The following CNGA1 variants were observed in gnomAD, a reference collection of about 807,000 sequenced individuals.
CNGA1 encodes the protein cyclic nucleotide-gated channel alpha-1.
In CNGA1, 53 loss-of-function variants were observed where a neutral mutation model predicts 69.7. The observed-to-expected ratio is 0.76, with a 90% CI of 0.61 to 0.96. CNGA1 has a LOEUF of 0.96. Ranked by LOEUF, CNGA1 falls within the 40% of genes least tolerant of loss-of-function variation. The pLI is 0.00. For missense variants in CNGA1, 739 were observed against 811.2 expected, an observed-to-expected ratio of 0.91 and a Z score of 1.08; for synonymous variants, 249 against 283.5, an observed-to-expected ratio of 0.88 and a Z score of 1.22.
rs1040020851 is a variant in CNGA1, at chr4:47,937,501, T to C, written c.981A>G (p.Thr327=). Residue 327 remains threonine, a synonymous_variant, in exon 11 of 11, where the codon ACA becomes ACG. Coordinates refer to ENST00000514170, the MANE Select transcript of CNGA1 (RefSeq NM_001379270.1). ...ISKAIGFGND[T]WVYPDINDPE... ...GATCATTAATATCAGGGTAGACCCA[T>C]GTATCATTTCCAAATCCAATAGCTT... 8 of 1,614,090 alleles carry C rather than the reference T, an allele frequency of 5.0e-6. No individual in the cohort carries two copies. In the Admixed American group the frequency reaches 8.3e-5, roughly 17 times the overall value.
intron 3 of CNGA1, among the ~76,000 whole-genome samples, chr4:47,958,239 G>A (rs1410553812): frequency 1.3e-5 from 2 of 152,002 alleles, no homozygotes; most frequent in Non-Finnish European, 2.9e-5. Flanking sequence ...TGCTCATGCT[G>A]TTCATTTTGC....
At chr4:47,985,680 CTGATT>C (rs888441625) in intron 2 of CNGA1, among the ~76,000 whole-genome samples, 2 of 152,142 alleles carry the variant, frequency 1.3e-5, no homozygotes, top group African/African-American at 2.4e-5. Context: ...TTCCAAATAA[CTGATT>C]TGATTTATCT....
At chr4:47,990,311 G>C (rs939063062) in intron 2 of CNGA1, among the ~76,000 whole-genome samples, 1 of 152,048 alleles carries the variant, frequency 6.6e-6, no homozygotes. Flanking sequence ...GGGAAGGAAT[G>C]CATTCTTGGG....
At chr4:47,998,470 C>T (rs2109343226) in intron 2 of CNGA1, among the ~76,000 whole-genome samples, 1 of 152,248 alleles carries the variant, frequency 6.6e-6, no homozygotes, top group South Asian at 2.1e-4. Flanking sequence ...GTGAAGACCT[C>T]AGGCATTAAT....
At chr4:47,972,337 A>T (rs1396970478) in intron 3 of CNGA1, among the ~76,000 whole-genome samples, 1 of 152,162 alleles carries the variant, frequency 6.6e-6, no homozygotes, top group African/African-American at 2.4e-5. Flanking sequence ...AAAAGTCCCT[A>T]GTCTTAGGAG....
At chr4:47,959,374 ACCTT>A (rs1316572057) in intron 3 of CNGA1, among the ~76,000 whole-genome samples, 1 of 152,146 alleles carries the variant, frequency 6.6e-6, no homozygotes, top group African/African-American at 2.4e-5. Flanking sequence ...AAACTTGAAA[ACCTT>A]GTGGCCTGAG....
intron 9 of CNGA1, 94 bp from the exon 10 acceptor site, chr4:47,940,963 A>G: frequency 1.3e-6 from 1 of 799,358 alleles, no homozygotes. Flanking sequence ...CATGATGAGA[A>G]GCACAGCACA....
At chr4:48,011,059 AGGCAGCAGAT>A (rs1486886007) in intron 1 of CNGA1, among the ~76,000 whole-genome samples, 166 bp from the exon 2 acceptor site, 1 of 152,186 alleles carries the variant, frequency 6.6e-6, no homozygotes, top group Non-Finnish European at 1.5e-5. Context: ...CTGTGCTCTC[AGGCAGCAGAT>A]GGCTATTTCT....
At chr4:47,985,645 T>A (rs1741944650) in intron 2 of CNGA1, among the ~76,000 whole-genome samples, 1 of 152,150 alleles carries the variant, frequency 6.6e-6, no homozygotes, top group Non-Finnish European at 1.5e-5. Flanking sequence ...GAATCTCACA[T>A]ACACACACAC....
At chr4:47,948,689 A>G (rs962644400) in intron 6 of CNGA1, among the ~76,000 whole-genome samples, 5 of 152,222 alleles carry the variant, frequency 3.3e-5, no homozygotes, top group African/African-American at 1.2e-4. Context: ...AGTGCTGTAT[A>G]CAATGCAGGG....
rs568526868 is a variant in CNGA1 at position 48,007,661 on chromosome 4, C to A, written c.-123+3133G>T. 7.8e-5 allele frequency among the ~76,000 whole-genome samples: 5 copies of A among 64,018 alleles called. No homozygotes were observed. In the East Asian group the frequency reaches 9.2e-4, roughly 12 times the overall value. 42.0% of individuals were successfully genotyped at this position (64,018 alleles called of 152,430 possible). A position where few individuals can be genotyped will look rare whatever the true frequency, so the allele number is the denominator to read the frequency against. On this transcript the variant is annotated intron_variant, in intron 2 of 10. Coordinates refer to ENST00000514170, the MANE Select transcript of CNGA1 (RefSeq NM_001379270.1). ...ACAGAAAGATACATGGATGTAATAA[C>A]CTTAACTTAAAAAAAAAAATTTAAT...
chr4:47,937,507 A>G lies in CNGA1; in HGVS notation c.975T>C (p.Asn325=). ...YSISKAIGFG[N]DTWVYPDIND... ...TAATATCAGGGTAGACCCATGTATC[A>G]TTTCCAAATCCAATAGCTTTAGAAA... Residue 325 remains asparagine (N), a synonymous_variant, in exon 11 of 11, where the codon AAT becomes AAC. Transcript: ENST00000514170. 6.2e-7 allele frequency: 1 copy of G among 1,614,208 alleles called. No homozygotes were observed. The highest frequency in any genetic ancestry group is 2.2e-5 in the East Asian group (1 of 44,880).
chr4:47,987,431 C>T (rs1033407580), intron 2 of CNGA1, among the ~76,000 whole-genome samples: 1 of 151,952 alleles, frequency 6.6e-6, no homozygotes, highest in Admixed American at 6.6e-5. Context: ...TATCTATTTC[C>T]CCTGTAGGAA....
At chr4:47,943,074 G>T in intron 8 of CNGA1, 107 bp downstream of exon 8, 1 of 763,650 alleles carries the variant, frequency 1.3e-6, no homozygotes, top group Non-Finnish European at 2.3e-6. Flanking sequence ...CTTTACACAG[G>T]GCTCTTTACT....
At chr4:48,007,793 C>A (rs995885677) in intron 2 of CNGA1, among the ~76,000 whole-genome samples, 1 of 152,090 alleles carries the variant, frequency 6.6e-6, no homozygotes, top group African/African-American at 2.4e-5. Flanking sequence ...AAAAGAAAAA[C>A]CCTTCTGCAG....
chr4:47,937,366 G>A lies in CNGA1; in HGVS notation c.1116C>T (p.Val372=). 1 of 1,614,110 alleles carries A rather than the reference G, an allele frequency of 6.2e-7. No individual in the cohort carries two copies. Among genetic ancestry groups the A allele is most frequent in the South Asian group, 1.1e-5 (1 of 91,084 alleles). The part of the protein sequence containing the change: ...TPPPVRDSEY[V]FVVVDFLIGV... ...CAATTAGGAAATCAACCACCACAAA[G>A]ACATACTCAGAATCCCTCACGGGAG... is the stretch of plus-strand genomic sequence containing the variant. The change falls in exon 11 of 11, where the codon GTC becomes GTT. Residue 372 remains valine, a synonymous_variant. Transcript: ENST00000514170.
chr4:47,953,898 TTATGCCCTCGGAC>T (rs1228846608), intron 3 of CNGA1, among the ~76,000 whole-genome samples: 26 of 62,024 alleles, frequency 4.2e-4, no homozygotes, highest in Non-Finnish European at 6.6e-4. Context: ...CACTCGGGCC[TTATGCCCTCGGAC>T]CTTATGCCCT....
At chr4:47,977,908 C>T (rs1011937637) in intron 3 of CNGA1, among the ~76,000 whole-genome samples, 2 of 151,660 alleles carry the variant, frequency 1.3e-5, no homozygotes, top group African/African-American at 4.8e-5. Flanking sequence ...CTCACTGCAA[C>T]CTCTGCCTCC....
intron 2 of CNGA1, among the ~76,000 whole-genome samples, chr4:47,998,993 G>T (rs1325449934): frequency 2.6e-5 from 4 of 152,194 alleles, no homozygotes; most frequent in African/African-American, 4.8e-5. Context: ...TTATCAGAAG[G>T]TCAATAGTAG....
Sources: gnomAD v4.1 joint callset for allele counts (sites outside exome capture counted in the v4.1 genomes callset) on GRCh38, gnomAD v4.1.1 for gene constraint, MANE v1.5 for transcripts, NCBI Gene and HGNC (gene_info 2026-07-23, HGNC 2026-07-21) for gene names.